The following CHD7 variants were observed in gnomAD, a reference collection of about 807,000 sequenced individuals.
The protein encoded by CHD7 is chromodomain helicase DNA binding protein 7.
A neutral mutation model predicts 307.3 loss-of-function variants in CHD7; 24 were observed. The observed-to-expected ratio is 0.08, with a 90% CI of 0.06 to 0.11. The LOEUF (loss-of-function observed/expected upper bound fraction) is 0.11. CHD7 is among the 10% of genes least tolerant of loss of function. CHD7 has a pLI of 1.00. For missense variants in CHD7, 3,106 were observed against 3,727.1 expected, an observed-to-expected ratio of 0.83 and a Z score of 4.34; for synonymous variants, 1,363 against 1,349.9, an observed-to-expected ratio of 1.01 and a Z score of -0.21.
At chr8:60,833,554 T>A (rs1804615951) in intron 15 of CHD7, among the ~76,000 whole-genome samples, 2 of 152,222 alleles carry the variant, frequency 1.3e-5, no homozygotes, top group Admixed American at 6.5e-5. Flanking sequence ...ATTTTCTTGT[T>A]TGTTCGTGGC....
At chr8:60,744,094 GC>G (rs2150583150) in intron 2 of CHD7, among the ~76,000 whole-genome samples, 1 of 152,324 alleles carries the variant, frequency 6.6e-6, no homozygotes, top group East Asian at 1.9e-4. Context: ...AGTTGAGAGT[GC>G]TTGGAATTTG....
At chr8:60,717,358 G>A (rs1807662264) in intron 1 of CHD7, among the ~76,000 whole-genome samples, 1 of 152,194 alleles carries the variant, frequency 6.6e-6, no homozygotes, top group Non-Finnish European at 1.5e-5. Flanking sequence ...GAACTTTTCT[G>A]AGGGCACAAA....
chr8:60,748,428 C>G (rs1244993868), intron 2 of CHD7, among the ~76,000 whole-genome samples: 1 of 152,114 alleles, frequency 6.6e-6, no homozygotes, highest in Admixed American at 6.6e-5. Context: ...GCCCATGGCA[C>G]TGGAGGGCAC....
intron 1 of CHD7, among the ~76,000 whole-genome samples, chr8:60,686,190 T>G (rs1311902198): frequency 2.0e-5 from 3 of 152,168 alleles, no homozygotes; most frequent in Non-Finnish European, 4.4e-5. Context: ...TAGTTTTGAG[T>G]GATTATTTGA....
rs372755547 is a variant in CHD7, at chr8:60,852,833, G to C, written c.6108G>C (p.Pro2036=). 1.9e-6 allele frequency: 3 copies of C among 1,611,474 alleles called. No homozygotes were observed. Among genetic ancestry groups the C allele is most frequent in the South Asian group, 2.2e-5 (2 of 91,076 alleles). Residue 2036 remains proline (P), a synonymous_variant, in exon 31 of 38, where the codon CCG becomes CCC. Transcript: ENST00000423902. ...ATGAGCCCTTCTGTGTTACAGAACCGCCCGACCTCTCCTCCATAATTGAGC... is the reference window on the plus strand; with the variant it reads ...ATGAGCCCTTCTGTGTTACAGAACCCCCCGACCTCTCCTCCATAATTGAGC... ...CRMPVKPDDE[P]PDLSSIIEPI... is the part of the protein sequence containing the mutation.
chr8:60,856,341 T>C, intron 33 of CHD7, 104 bp from the exon 34 acceptor site: 1 of 1,281,522 alleles, frequency 7.8e-7, no homozygotes, highest in South Asian at 1.6e-5. Context: ...CAGTCATGAA[T>C]GCTTAATTCC....
intron 12 of CHD7, among the ~76,000 whole-genome samples, chr8:60,823,541 T>C (rs937373170): frequency 1.1e-4 from 16 of 152,214 alleles, no homozygotes; most frequent in African/African-American, 3.9e-4. Flanking sequence ...TGGGAAATTA[T>C]TATAAATTCT....
intron 8 of CHD7, among the ~76,000 whole-genome samples, chr8:60,818,500 C>T (rs986333676): frequency 2.0e-5 from 3 of 152,188 alleles, no homozygotes; most frequent in Admixed American, 6.5e-5. Context: ...ATGGATAACA[C>T]GTGTGTTTAC....
Position 60,741,785 on chromosome 8 carries a change from G to A in CHD7, c.353G>A (p.Ser118Asn). Residue 118 changes from serine (S) to asparagine (N), a missense_variant, in exon 2 of 38, where the codon AGT becomes AAT. Physicochemically the swap from Ser to Asn is conservative, Grantham distance 46. Coordinates refer to ENST00000423902, the MANE Select transcript of CHD7 (RefSeq NM_017780.4). ...GTTCCTCAGGTGCCCCATGGTGGCAGTGGTGGCGGTCAGATGGGTGTCTAC... is the reference window on the plus strand; with the variant it reads ...GTTCCTCAGGTGCCCCATGGTGGCAATGGTGGCGGTCAGATGGGTGTCTAC... Reference protein sequence around the residue: ...PPVPQVPHGGSGGGQMGVYPG... With the variant: ...PPVPQVPHGGNGGGQMGVYPG... 1 of 1,613,952 alleles carries A rather than the reference G, an allele frequency of 6.2e-7. No individual in the cohort carries two copies. The highest frequency in any genetic ancestry group is 8.5e-7 in the Non-Finnish European group (1 of 1,179,878).
intron 1 of CHD7, among the ~76,000 whole-genome samples, chr8:60,721,672 G>T (rs1190636551): frequency 1.3e-5 from 2 of 152,208 alleles, no homozygotes; most frequent in Non-Finnish European, 2.9e-5. Flanking sequence ...TTTCTAACCA[G>T]TTCCCCAGCG....
At chr8:60,862,114 T>C in intron 35 of CHD7, 82 bp from the exon 36 acceptor site, 1 of 1,014,032 alleles carries the variant, frequency 9.9e-7, no homozygotes, top group Middle Eastern at 3.0e-4. Context: ...TTGAAGATGA[T>C]CTGACAGTTC....
rs761645571 is a variant in CHD7 at position 60,852,589 on chromosome 8, C to G, written c.5986C>G (p.Gln1996Glu). ...DPVKQQFDWN[Q>E]FRAFARLDKK... ...TGTGAAACAGCAATTTGACTGGAAC[C>G]AATTTAGAGCCTTTGCCAGGCTTGA... The change falls in exon 30 of 38, where the codon CAA becomes GAA. Residue 1996 changes from glutamine to glutamate, a missense_variant. Gln to Glu is a conservative substitution (Grantham distance 29). This residue lies in a region of CHD7 where 1,030 missense variants were observed against 1,165.4 expected (regional missense o/e 0.88). Transcript: ENST00000423902. 1.9e-6 allele frequency: 3 copies of G among 1,613,824 alleles called. No individual in the cohort carries two copies. The South Asian group carries it at 3.3e-5, about 18-fold the overall frequency.
At chr8:60,854,031 A>G (rs1805595190) in intron 31 of CHD7, among the ~76,000 whole-genome samples, 1 of 152,250 alleles carries the variant, frequency 6.6e-6, no homozygotes, top group African/African-American at 2.4e-5. Context: ...ACAGAAGGTC[A>G]GCCCTTTTTT....
intron 1 of CHD7, among the ~76,000 whole-genome samples, chr8:60,716,175 C>T (rs1479547138): frequency 3.3e-5 from 5 of 152,208 alleles, no homozygotes; most frequent in African/African-American, 1.2e-4. Context: ...GTCCAAGTGG[C>T]CTTTTTTCCT....
intron 25 of CHD7, among the ~76,000 whole-genome samples, chr8:60,849,924 A>G (rs1247698079): frequency 6.6e-6 from 1 of 152,174 alleles, no homozygotes; most frequent in Non-Finnish European, 1.5e-5. Flanking sequence ...GGGATCTGCC[A>G]TTTTCCATCT....
chr8:60,781,751 C>A (rs187121851), intron 3 of CHD7, among the ~76,000 whole-genome samples: 1 of 152,188 alleles, frequency 6.6e-6, no homozygotes, highest in East Asian at 1.9e-4. Flanking sequence ...GACCAGCAAC[C>A]TCATTTTCAG....
In CHD7 at chr8:60,822,675, G is replaced by A. The variant is rs2150750448; in HGVS notation, c.3130G>A (p.Val1044Ile). The change falls in exon 12 of 38, where the codon GTT becomes ATT. Residue 1044 changes from valine (V) to isoleucine (I), a missense_variant. Val to Ile is a conservative substitution (Grantham distance 29, BLOSUM62 3). This residue lies in a region of CHD7 where 232 missense variants were observed against 422.5 expected (regional missense o/e 0.55). Coordinates refer to ENST00000423902, the MANE Select transcript of CHD7 (RefSeq NM_017780.4). ...EFRTWTELNV[V>I]VYHGSQASRR... ...CCGAACCTGGACAGAGTTGAACGTG[G>A]TTGTGTATCATGGGAGTCAAGCTAG... The A allele has an allele frequency of 6.2e-7, 1 of 1,613,804 alleles. No homozygotes were observed. Among genetic ancestry groups the A allele is most frequent in the Non-Finnish European group, 8.5e-7 (1 of 1,179,756 alleles).
rs754836392 is a variant in CHD7 at position 60,781,062 on chromosome 8, G to A, written c.1728G>A (p.Pro576=). The A allele has an allele frequency of 3.7e-5, 60 of 1,609,438 alleles. No homozygotes were observed. Among genetic ancestry groups the A allele is most frequent in the Middle Eastern group, 1.6e-4 (1 of 6,068 alleles). The part of the protein sequence containing the change: ...PVPDMTQVSG[P]NAQLVKSDDY... The stretch of plus-strand genomic sequence containing the variant: ...CGGATATGACTCAGGTTAGTGGACC[G>A]AATGCTCAGCTAGTGAAGAGTGATG... Residue 576 remains proline, a synonymous_variant, in exon 3 of 38, where the codon CCG becomes CCA. Transcript: ENST00000423902.
chr8:60,824,828 A>T lies in CHD7; in HGVS notation c.3378+812A>T, dbSNP rs970552539. On this transcript the variant is annotated intron_variant, in intron 13 of 37. Transcript: ENST00000423902. ...TTTTTTTTCAGCAGGAGCATCATGG[A>T]ATAACATATCGTAGGAGTAGAAGGA... The T allele has an allele frequency of 2.0e-5, 3 of 152,304 alleles. No individual in the cohort carries two copies. In the East Asian group the frequency reaches 5.8e-4, roughly 29 times the overall value. 9.4% of individuals were successfully genotyped at this position (152,304 alleles called of 1,614,324 possible). A position where few individuals can be genotyped will look rare whatever the true frequency, so the allele number is the denominator to read the frequency against.
Sources: allele counts gnomAD v4.1 joint callset (sites outside exome capture counted in the v4.1 genomes callset), GRCh38; gene constraint gnomAD v4.1.1; regional missense constraint gnomAD v4.1.1; transcripts MANE v1.5; gene names NCBI Gene and HGNC (gene_info 2026-07-23, HGNC 2026-07-21).